Variants in PVT1 observed in about 807,000 individuals in gnomAD.
PVT1 encodes the protein CXCR4/PVT1 fusion.
chr8:128,053,904 G>A (rs1459197840), intron 4 of PVT1, among the ~76,000 whole-genome samples: 1 of 152,204 alleles, frequency 6.6e-6, no homozygotes, highest in Non-Finnish European at 1.5e-5. Flanking sequence ...ATCTGACAGG[G>A]CCCTCTGATC....
At chr8:127,841,538 G>A (rs1239972634) in intron 2 of PVT1, among the ~76,000 whole-genome samples, 2 of 152,218 alleles carry the variant, frequency 1.3e-5, no homozygotes, top group East Asian at 1.9e-4. Flanking sequence ...CGAGATTATA[G>A]GCGTGAGCCA....
intron 2 of PVT1, among the ~76,000 whole-genome samples, chr8:127,855,705 G>A (rs1340911331): frequency 3.9e-5 from 6 of 152,252 alleles, no homozygotes; most frequent in Admixed American, 3.9e-4. Flanking sequence ...CACCAGCGAG[G>A]TTGCTCAGGA....
intron 2 of PVT1, among the ~76,000 whole-genome samples, chr8:127,802,540 T>G (rs1814477000): frequency 6.6e-6 from 1 of 152,102 alleles, no homozygotes; most frequent in African/African-American, 2.4e-5. Context: ...ACCAATTCTT[T>G]GATGTTAATT....
intron 3 of PVT1, chr8:127,891,030 C>A (rs932960901): frequency 1.3e-5 from 2 of 152,542 alleles, no homozygotes; most frequent in Non-Finnish European, 2.9e-5. Context: ...ACGGAGGGTT[C>A]ACTGGGATGT....
chr8:127,832,719 G>C (rs555587562), intron 2 of PVT1, among the ~76,000 whole-genome samples: 6 of 152,110 alleles, frequency 3.9e-5, no homozygotes, highest in Non-Finnish European at 7.4e-5. Context: ...TTAGCCGGGC[G>C]TGGTGGCGGG....
chr8:127,964,240 C>G (rs1291249705), intron 3 of PVT1, among the ~76,000 whole-genome samples: 1 of 152,226 alleles, frequency 6.6e-6, no homozygotes, highest in African/African-American at 2.4e-5. Context: ...TGGTGTGTTC[C>G]CTGCAGCAGG....
intron 3 of PVT1, among the ~76,000 whole-genome samples, chr8:127,964,161 G>A (rs1301927774): frequency 2.0e-5 from 3 of 152,240 alleles, no homozygotes; most frequent in Admixed American, 6.5e-5. Flanking sequence ...GGGCAAGTCA[G>A]CCATGCCTGG....
intron 5 of PVT1, among the ~76,000 whole-genome samples, chr8:128,089,376 G>A (rs1310473227): frequency 2.0e-5 from 3 of 152,116 alleles, no homozygotes; most frequent in Admixed American, 2.0e-4. Context: ...CTTATATAAT[G>A]GTACTAATCT....
In PVT1 at chr8:127,879,085, T is replaced by C. The variant is rs57523264; in HGVS notation, n.373-11504T>C. On this transcript the variant is annotated intron_variant and non_coding_transcript_variant, in intron 2 of 10. Coordinates refer to ENST00000651587, the Ensembl canonical transcript of PVT1. ...GGTCAACTCCTGGCAGTAGATGATA[T>C]TGATGCTTTGGAAATCTCTATTTTC... is the stretch of plus-strand genomic sequence containing the variant. Among the ~76,000 whole-genome samples, 770 of 152,360 alleles carry C rather than the reference T, an allele frequency of 5.1e-3. 12 individuals carry two copies. The highest frequency in any genetic ancestry group is 0.017 in the African/African-American group (721 of 41,572).
intron 3 of PVT1, among the ~76,000 whole-genome samples, chr8:127,972,183 G>A (rs1816771935): frequency 6.6e-6 from 1 of 152,240 alleles, no homozygotes. Flanking sequence ...TTCTGCCCCA[G>A]GGGCTTGTGT....
intron 2 of PVT1, among the ~76,000 whole-genome samples, chr8:127,821,493 AT>A (rs2129680955): frequency 6.6e-6 from 1 of 152,310 alleles, no homozygotes; most frequent in Non-Finnish European, 1.5e-5. Flanking sequence ...TCTGCTTAGT[AT>A]TTTTTAATGT....
chr8:127,797,645 T>G (rs943928488), intron 2 of PVT1, among the ~76,000 whole-genome samples: 1 of 152,154 alleles, frequency 6.6e-6, no homozygotes, highest in African/African-American at 2.4e-5. Context: ...TAAATAACAA[T>G]TAATAATAAG....
chr8:127,969,029 C>T (rs1816734462), intron 3 of PVT1, among the ~76,000 whole-genome samples: 1 of 152,146 alleles, frequency 6.6e-6, no homozygotes, highest in Admixed American at 6.5e-5. Context: ...TCTGTTGTTT[C>T]AAGCCACCTA....
chr8:127,823,823 C>A (rs1563614781), intron 2 of PVT1, among the ~76,000 whole-genome samples: 1 of 152,340 alleles, frequency 6.6e-6, no homozygotes, highest in South Asian at 2.1e-4. Flanking sequence ...CACTGCCCGT[C>A]GAAGCAGTCG....
chr8:128,094,987 A>C (rs11991813), intron 5 of PVT1, among the ~76,000 whole-genome samples: 9,899 of 152,250 alleles, frequency 0.065, 902 homozygotes, highest in African/African-American at 0.21. Flanking sequence ...CCAGCCCCGG[A>C]GAGCAACTTC....
intron 3 of PVT1, among the ~76,000 whole-genome samples, chr8:127,986,555 C>T (rs1002385399): frequency 6.6e-6 from 1 of 152,218 alleles, no homozygotes; most frequent in African/African-American, 2.4e-5. Context: ...CAGGATCTAG[C>T]ACCTCCCATC....
chr8:127,978,553 G>C (rs1381814823), intron 3 of PVT1, among the ~76,000 whole-genome samples: 2 of 151,530 alleles, frequency 1.3e-5, no homozygotes, highest in African/African-American at 4.9e-5. Flanking sequence ...GCACAATTTC[G>C]GCTCACTACA....
Position 127,952,981 on chromosome 8 carries a change from G to A in PVT1, n.783-36181G>A, listed in dbSNP as rs556515224. Among the ~76,000 whole-genome samples, 30 of 152,096 alleles carry A rather than the reference G, an allele frequency of 2.0e-4. No individual in the cohort carries two copies. The South Asian group carries it at 5.6e-3, about 28-fold the overall frequency. ...GGGTTTCACCATGTTGGCCAGGATG[G>A]TCTCGATCTCCTGCCCTCGTGATCC... On this transcript the variant is annotated intron_variant and non_coding_transcript_variant, in intron 3 of 10. Transcript: ENST00000651587.
At chr8:127,798,359 A>G (rs1488952438) in intron 2 of PVT1, among the ~76,000 whole-genome samples, 2 of 151,812 alleles carry the variant, frequency 1.3e-5, no homozygotes, top group Non-Finnish European at 2.9e-5. Flanking sequence ...AGGAGAACAC[A>G]GTGTGTCCCC....
Sources: allele counts gnomAD v4.1 joint callset (sites outside exome capture counted in the v4.1 genomes callset), GRCh38; gene constraint gnomAD v4.1.1; transcripts MANE v1.5; gene names NCBI Gene and HGNC (gene_info 2026-07-23, HGNC 2026-07-21).